WDR27: variants seen among roughly 807,000 people sequenced by gnomAD.
WDR27 encodes WD repeat domain 27.
WDR27 carries 100 observed loss-of-function variants against 114.4 expected under a neutral mutation model. The observed-to-expected ratio is 0.87, with a 90% confidence interval of 0.74 to 1.03. WDR27 has a LOEUF of 1.03. Among genes scored for constraint, WDR27 ranks in the 50% least tolerant of loss-of-function variants. The pLI, the probability that WDR27 is intolerant of heterozygous loss-of-function variation, is 0.00. For synonymous variants in WDR27, 449 were observed against 423.1 expected, an observed-to-expected ratio of 1.06 and a Z score of -0.75; for missense variants, 1,129 against 1,092.9, an observed-to-expected ratio of 1.03 and a Z score of -0.47.
At chr6:169,691,240 T>A (rs1020910223) in intron 1 of WDR27, among the ~76,000 whole-genome samples, 7 of 152,070 alleles carry the variant, frequency 4.6e-5, no homozygotes, top group East Asian at 1.9e-4. Context: ...AATTAAATTT[T>A]AAAAAAACGT....
In WDR27 at chr6:169,668,064, T is replaced by C; in HGVS notation, c.578A>G (p.His193Arg). 6.2e-7 allele frequency: 1 copy of C among 1,613,870 alleles called. No individual in the cohort carries two copies. Among genetic ancestry groups the C allele is most frequent in the East Asian group, 2.2e-5 (1 of 44,874 alleles). ...CTCCACCGCAGTCACCGGGCCCAGG[T>C]GGCCCTGCAGCTCGGCCCGAACAGC... Reference protein sequence around the residue: ...TQAVRAELQGHLGPVTAVEFC... With the variant: ...TQAVRAELQGRLGPVTAVEFC... The change falls in exon 5 of 26, where the codon CAC becomes CGC. Residue 193 changes from histidine to arginine, a missense_variant. Coordinates refer to ENST00000448612, the MANE Select transcript of WDR27 (RefSeq NM_182552.5).
intron 18 of WDR27, among the ~76,000 whole-genome samples, chr6:169,638,127 T>C (rs1818136762): frequency 1.2e-5 from 1 of 81,830 alleles, no homozygotes; most frequent in Non-Finnish European, 2.4e-5. Flanking sequence ...CCATCCTGGC[T>C]AACAAGGTGA....
At chr6:169,599,887 T>C (rs1807599074) in intron 23 of WDR27, among the ~76,000 whole-genome samples, 1 of 152,156 alleles carries the variant, frequency 6.6e-6, no homozygotes, top group Admixed American at 6.5e-5. Flanking sequence ...CTGCTTTCTC[T>C]TGTGGGCATT....
intron 18 of WDR27, among the ~76,000 whole-genome samples, chr6:169,637,550 G>A (rs1001403840): frequency 6.6e-6 from 1 of 152,244 alleles, no homozygotes; most frequent in Admixed American, 6.5e-5. Flanking sequence ...CCTATTGCAT[G>A]TGTGTGAATA....
At position 169,572,447 on chromosome 6, in the gene WDR27, G is replaced by T; in HGVS notation, c.2617C>A (p.Leu873Ile). Reference protein sequence around the residue: ...PPSRFKQFFCLSLPSSWDYSL... With the variant: ...PPSRFKQFFCISLPSSWDYSL... Reference sequence around the variant, plus strand: ...TAATCCCAGCTACTCGGGAGGCTGAGGCAGAAGAATTGCTTGAACCTGGAA... The same window carrying T: ...TAATCCCAGCTACTCGGGAGGCTGATGCAGAAGAATTGCTTGAACCTGGAA... The change falls in exon 25 of 26, where the codon CTC (leucine) becomes ATC (isoleucine). Residue 873 changes from leucine to isoleucine, a missense_variant. By Grantham distance (5) the Leu-to-Ile change is conservative. Transcript: ENST00000448612. 1 of 149,788 alleles carries T rather than the reference G, an allele frequency of 6.7e-6. No individual in the cohort carries two copies. The highest frequency in any genetic ancestry group is 1.5e-5 in the Non-Finnish European group (1 of 68,052). 9.3% of individuals were successfully genotyped at this position (149,788 alleles called of 1,614,324 possible).
At chr6:169,614,118 A>G (rs1309160876) in intron 21 of WDR27, among the ~76,000 whole-genome samples, 1 of 152,126 alleles carries the variant, frequency 6.6e-6, no homozygotes. Flanking sequence ...CGGGGCCTCG[A>G]GTCCCGGCCC....
chr6:169,454,008 T>C (rs114676562), downstream of WDR27, among the ~76,000 whole-genome samples: 81 of 152,244 alleles, frequency 5.3e-4, no homozygotes, highest in African/African-American at 1.9e-3. Context: ...GTTCTGAGAG[T>C]ATGTTAATGC....
chr6:169,607,109 G>C (rs958108624), intron 22 of WDR27, among the ~76,000 whole-genome samples: 1 of 152,074 alleles, frequency 6.6e-6, no homozygotes, highest in Non-Finnish European at 1.5e-5. Flanking sequence ...AAGGATGCAG[G>C]GAAAAGGGAA....
At chr6:169,459,086 T>G (rs1235701021) in intron 25 of WDR27, among the ~76,000 whole-genome samples, 1 of 152,156 alleles carries the variant, frequency 6.6e-6, no homozygotes, top group Non-Finnish European at 1.5e-5. Context: ...GTATGGCCTA[T>G]TCAGAGGAAA....
intron 25 of WDR27, among the ~76,000 whole-genome samples, chr6:169,542,064 CT>C (rs1796909413): frequency 6.6e-6 from 1 of 152,102 alleles, no homozygotes; most frequent in Non-Finnish European, 1.5e-5. Flanking sequence ...GAGGATGACA[CT>C]TTCATACTAT....
chr6:169,498,553 A>G (rs1583792105), intron 25 of WDR27, among the ~76,000 whole-genome samples: 1 of 152,334 alleles, frequency 6.6e-6, no homozygotes, highest in East Asian at 1.9e-4. Flanking sequence ...AATCTTCAGG[A>G]TCTAGGGCTG....
intron 21 of WDR27, among the ~76,000 whole-genome samples, chr6:169,618,627 CAAAAAA>C (rs560399990): frequency 8.7e-5 from 8 of 92,138 alleles, no homozygotes; most frequent in South Asian, 5.7e-4. Context: ...TGGATGACTG[CAAAAAA>C]AAAAAAAAAA....
At chr6:169,483,877 A>AAATCAAT (rs1254583965) in intron 25 of WDR27, among the ~76,000 whole-genome samples, 1 of 152,162 alleles carries the variant, frequency 6.6e-6, no homozygotes, top group Non-Finnish European at 1.5e-5. Flanking sequence ...CAACATACAC[A>AAATCAAT]AATCAATAAA....
intron 2 of WDR27, among the ~76,000 whole-genome samples, chr6:169,673,954 G>A (rs530402668): frequency 1.3e-5 from 2 of 152,308 alleles, no homozygotes; most frequent in African/African-American, 2.4e-5. Flanking sequence ...AAAACCCAAG[G>A]AGTAAAGATG....
chr6:169,662,245 C>A, intron 9 of WDR27, 59 bp downstream of exon 9: 1 of 1,575,610 alleles, frequency 6.3e-7, no homozygotes, highest in Non-Finnish European at 8.7e-7. Flanking sequence ...ACCTAATGTT[C>A]ATCTAAGGAA....
At chr6:169,490,895 C>T (rs943672998) in intron 25 of WDR27, among the ~76,000 whole-genome samples, 1 of 152,164 alleles carries the variant, frequency 6.6e-6, no homozygotes, top group African/African-American at 2.4e-5. Context: ...ACATCCCCTG[C>T]AGGATAACAG....
chr6:169,656,875 T>TA (rs11463842), intron 13 of WDR27, among the ~76,000 whole-genome samples: 19,743 of 152,234 alleles, frequency 0.13, 1,403 homozygotes, highest in African/African-American at 0.17. Context: ...TTCCATGACT[T>TA]AATGAGGAGG....
chr6:169,641,880 A>G lies in WDR27; in HGVS notation c.1747+1817T>C, dbSNP rs565852495. Among the ~76,000 whole-genome samples, 14 of 152,372 alleles carry G rather than the reference A, an allele frequency of 9.2e-5. No homozygotes were observed. The East Asian group carries it at 1.4e-3, about 15-fold the overall frequency. ...AGCTCTCCCGCGCAGCGCGCTCAGA[A>G]GCCGCCATCCCGTATCGCTGAGAAT... On this transcript the variant is annotated intron_variant, in intron 17 of 25. Coordinates refer to ENST00000448612, the MANE Select transcript of WDR27 (RefSeq NM_182552.5).
Position 169,660,262 on chromosome 6 carries a change from C to A in WDR27, c.1129+401G>T, listed in dbSNP as rs191162268. On this transcript the variant is annotated intron_variant, in intron 10 of 25. Transcript: ENST00000448612. ...AGCTGGCAGAAACTGGGGAAGGGAG[C>A]CAGGGTTGGAGAGGAGTGCGCCTCG... Among the ~76,000 whole-genome samples, 7 of 152,118 alleles carry A rather than the reference C, an allele frequency of 4.6e-5. No individual in the cohort carries two copies. In the East Asian group the frequency reaches 1.4e-3, roughly 30 times the overall value.
Sources: gnomAD v4.1 joint callset for allele counts (sites outside exome capture counted in the v4.1 genomes callset) on GRCh38, gnomAD v4.1.1 for gene constraint, MANE v1.5 for transcripts, NCBI Gene and HGNC (gene_info 2026-07-23, HGNC 2026-07-21) for gene names.